The following CCNE2 variants were observed in gnomAD, a reference collection of about 807,000 sequenced individuals.
The protein encoded by CCNE2 is G1/S-specific cyclin-E2.
In CCNE2, 18 loss-of-function variants were observed where a neutral mutation model predicts 56.8. The observed-to-expected ratio is 0.32, with a 90% CI of 0.22 to 0.47. CCNE2 has a LOEUF of 0.47. CCNE2 is among the 20% of genes least tolerant of loss of function. CCNE2 has a pLI of 1.00. For synonymous variants in CCNE2, 139 were observed against 149.2 expected (o/e 0.93, Z 0.50); for missense variants, 371 against 467.1 (o/e 0.79, Z 1.90).
At chr8:94,882,325 G>A (rs948815499) in intron 10 of CCNE2, 36 bp from the exon 11 acceptor site, 2 of 1,516,666 alleles carry the variant, frequency 1.3e-6, no homozygotes, top group Non-Finnish European at 1.8e-6. Context: ...AAGCATGAAG[G>A]TTGTACATCA....
At chr8:94,892,212 T>G in intron 5 of CCNE2, 9 of 397,494 alleles carry the variant, frequency 2.3e-5, no homozygotes, top group South Asian at 1.8e-4. Context: ...TCAAGAGAAG[T>G]CTCAATCACC....
chr8:94,882,791 C>T lies in CCNE2; in HGVS notation c.933G>A (p.Lys311=), dbSNP rs1057369375. 1 of 1,611,816 alleles carries T rather than the reference C, an allele frequency of 6.2e-7. No homozygotes were observed. The highest frequency in any genetic ancestry group is 8.5e-7 in the Non-Finnish European group (1 of 1,177,972). Residue 311 remains lysine (K), a synonymous_variant, in exon 10 of 12, where the codon AAG becomes AAA. Transcript: ENST00000308108. ...LCHFTSIEVV[K]KASGLEWDSI... The stretch of plus-strand genomic sequence containing the variant: ...AATAGAGAGTCTTACCTGAGGCTTT[C>T]TTAACCACTTCAATGGAGGTAAAAT...
At chr8:94,895,134 T>C (rs1235903695) in intron 1 of CCNE2, 43 bp downstream of exon 1, 2 of 977,646 alleles carry the variant, frequency 2.0e-6, no homozygotes, top group East Asian at 1.1e-4. Flanking sequence ...CCAACTGGGC[T>C]TTCTTTCCTC....
intron 5 of CCNE2, chr8:94,891,176 AG>A (rs1422413181): frequency 1.3e-5 from 2 of 152,750 alleles, no homozygotes; most frequent in Non-Finnish European, 2.9e-5. Flanking sequence ...TACTTTACAA[AG>A]GTTGCTGTTA....
Position 94,882,301 on chromosome 8 carries a change from GAA to G in CCNE2, c.944-14_944-13del, listed in dbSNP as rs1563678706. On this transcript the variant is annotated splice_polypyrimidine_tract_variant and intron_variant, in intron 10 of 11. Coordinates refer to ENST00000308108, the MANE Select transcript of CCNE2 (RefSeq NM_057749.3). ...GTCCCACTCCAAACCTAGATAGATA[GAA>G]AAAAGTTAGAAAAGCATGAAGGTTG... 1.3e-6 allele frequency: 2 copies of G among 1,572,144 alleles called. No individual in the cohort carries two copies. The highest frequency in any genetic ancestry group is 1.7e-6 in the Non-Finnish European group (2 of 1,160,148).
chr8:94,891,769 G>T, intron 5 of CCNE2: 1 of 1,319,954 alleles, frequency 7.6e-7, no homozygotes, highest in Non-Finnish European at 1.1e-6. Context: ...GTGTACCCAG[G>T]CCAAGCAGTG....
chr8:94,885,284 C>T, intron 8 of CCNE2, 83 bp from the exon 9 acceptor site: 1 of 1,301,554 alleles, frequency 7.7e-7, no homozygotes, highest in Non-Finnish European at 1.1e-6. Context: ...AGGTTAAGTA[C>T]ATTCCCCATC....
At chr8:94,896,232 A>G (rs929507528), upstream of CCNE2, among the ~76,000 whole-genome samples, 2 of 148,490 alleles carry the variant, frequency 1.3e-5, no homozygotes, top group African/African-American at 2.4e-5. Flanking sequence ...AAAGATCGCC[A>G]CCACGTGCAG....
At chr8:94,891,734 G>A (rs1318111521) in intron 5 of CCNE2, 2 of 847,392 alleles carry the variant, frequency 2.4e-6, no homozygotes, top group Non-Finnish European at 4.0e-6. Flanking sequence ...GTGCCATTCT[G>A]ACATTACAAT....
chr8:94,895,051 GA>G (rs1166662468), intron 1 of CCNE2, 125 bp downstream of exon 1: 2 of 397,274 alleles, frequency 5.0e-6, no homozygotes, highest in Non-Finnish European at 6.8e-6. Context: ...GGGAACCCAT[GA>G]CCCCCAGTCG....
intron 7 of CCNE2, 78 bp downstream of exon 7, chr8:94,887,849 T>C (rs930360796): frequency 6.3e-5 from 59 of 942,610 alleles, no homozygotes; most frequent in Non-Finnish European, 8.6e-5. Context: ...TAAAACATAG[T>C]ATTCTTTGGG....
chr8:94,892,688 T>G (rs984905637), intron 5 of CCNE2, 130 bp downstream of exon 5: 8 of 514,700 alleles, frequency 1.6e-5, no homozygotes, highest in Non-Finnish European at 2.7e-5. Flanking sequence ...TAAAATGACA[T>G]ATGATTAAAT....
At chr8:94,891,915 AG>A in intron 5 of CCNE2, 1 of 1,308,976 alleles carries the variant, frequency 7.6e-7, no homozygotes, top group African/African-American at 1.4e-5. Flanking sequence ...AAGTGAACAA[AG>A]CACCTACGAT....
chr8:94,892,508 G>A (rs926243049), intron 5 of CCNE2, among the ~76,000 whole-genome samples: 4 of 152,046 alleles, frequency 2.6e-5, no homozygotes, highest in Non-Finnish European at 5.9e-5. Context: ...CAAGAAACAC[G>A]AATAAAAATT....
chr8:94,882,599 G>A (rs1207605464), intron 10 of CCNE2, among the ~76,000 whole-genome samples, 182 bp downstream of exon 10: 1 of 152,136 alleles, frequency 6.6e-6, no homozygotes, highest in African/African-American at 2.4e-5. Context: ...ATTCCATTTG[G>A]TCTTTTTGTT....
upstream of CCNE2, among the ~76,000 whole-genome samples, chr8:94,895,523 C>T (rs1305161761): frequency 6.6e-6 from 1 of 152,228 alleles, no homozygotes; most frequent in African/African-American, 2.4e-5. Flanking sequence ...TGCTTCCTCC[C>T]ACTGCAACTC....
chr8:94,893,661 AG>A, intron 4 of CCNE2: 1 of 554,010 alleles, frequency 1.8e-6, no homozygotes, highest in Non-Finnish European at 3.2e-6. Flanking sequence ...TCCAAGAGGG[AG>A]GGATTTACAA....
In CCNE2 at chr8:94,881,067, C is replaced by A; in HGVS notation, c.*565G>T. On this transcript the variant is annotated 3_prime_UTR_variant, in exon 12 of 12. Transcript: ENST00000308108. Reference sequence around the variant, plus strand: ...TAGTTTAAAAAACATTAAATTTCACCATTTGTAGAAATTCAAGTTTTATAA... The same window carrying A: ...TAGTTTAAAAAACATTAAATTTCACAATTTGTAGAAATTCAAGTTTTATAA... 2.5e-6 allele frequency: 1 copy of A among 397,782 alleles called. No individual in the cohort carries two copies. The highest frequency in any genetic ancestry group is 1.3e-4 in the South Asian group (1 of 7,518). The allele number at this position is 397,782 out of a possible 1,614,324, so 24.6% of individuals were successfully genotyped here.
chr8:94,893,845 A>G, intron 4 of CCNE2, 46 bp downstream of exon 4: 2 of 1,514,670 alleles, frequency 1.3e-6, no homozygotes, highest in African/African-American at 1.4e-5. Flanking sequence ...TTATTCATCT[A>G]TCCTCCATTT....
Sources: gnomAD v4.1 joint callset for allele counts (sites outside exome capture counted in the v4.1 genomes callset) on GRCh38, gnomAD v4.1.1 for gene constraint, MANE v1.5 for transcripts, NCBI Gene and HGNC (gene_info 2026-07-23, HGNC 2026-07-21) for gene names.